Variants in MAGI1 observed in about 807,000 individuals in gnomAD.
The protein encoded by MAGI1 is membrane associated guanylate kinase, WW and PDZ domain containing 1.
In MAGI1, 58 loss-of-function variants were observed where a neutral mutation model predicts 139.9. The observed-to-expected ratio is 0.41, with a 90% confidence interval of 0.34 to 0.52. The LOEUF is 0.52. Among genes scored for constraint, MAGI1 ranks in the 20% least tolerant of loss-of-function variants. The probability of loss-of-function intolerance (pLI) is 0.12; values close to 1 mark genes in which losing one functional copy is unlikely to be tolerated. For missense variants in MAGI1, 1,874 were observed against 1,901.6 expected, an observed-to-expected ratio of 0.99 and a Z score of 0.27; for synonymous variants, 812 against 737.9, an observed-to-expected ratio of 1.10 and a Z score of -1.63.
intron 1 of MAGI1, among the ~76,000 whole-genome samples, chr3:65,994,466 C>T (rs2066339424): frequency 6.6e-6 from 1 of 152,162 alleles, no homozygotes; most frequent in Non-Finnish European, 1.5e-5. Context: ...GCAACCCAGT[C>T]GGTCCACCCT....
At chr3:65,745,512 G>A (rs1453504670) in intron 1 of MAGI1, among the ~76,000 whole-genome samples, 1 of 152,212 alleles carries the variant, frequency 6.6e-6, no homozygotes, top group Non-Finnish European at 1.5e-5. Flanking sequence ...TGAATTGGCA[G>A]GTTACAAATG....
At chr3:65,430,476 G>A (rs572024291) in intron 11 of MAGI1, among the ~76,000 whole-genome samples, 1 of 152,210 alleles carries the variant, frequency 6.6e-6, no homozygotes, top group African/African-American at 2.4e-5. Flanking sequence ...TACTCAAACA[G>A]TTTCCCAAAC....
chr3:65,464,206 C>T (rs1327696292), intron 5 of MAGI1, among the ~76,000 whole-genome samples: 1 of 152,002 alleles, frequency 6.6e-6, no homozygotes, highest in East Asian at 1.9e-4. Context: ...CTATTTCTTT[C>T]ATTGATTTTT....
At chr3:65,569,839 C>T (rs1012476337) in intron 2 of MAGI1, among the ~76,000 whole-genome samples, 1 of 151,252 alleles carries the variant, frequency 6.6e-6, no homozygotes, top group Non-Finnish European at 1.5e-5. Context: ...TGTACCACTG[C>T]GTTCCAGTCT....
At chr3:65,847,998 C>G (rs1217813841) in intron 1 of MAGI1, among the ~76,000 whole-genome samples, 4 of 152,134 alleles carry the variant, frequency 2.6e-5, no homozygotes, top group Admixed American at 1.3e-4. Context: ...AGTGAGACTT[C>G]AACATTTTGG....
chr3:65,812,139 C>G (rs1411363768), intron 1 of MAGI1, among the ~76,000 whole-genome samples: 1 of 152,000 alleles, frequency 6.6e-6, no homozygotes, highest in South Asian at 2.1e-4. Flanking sequence ...TCAGGAAATG[C>G]TTTTTCCCAG....
chr3:65,515,940 C>G (rs1181717076), intron 2 of MAGI1, among the ~76,000 whole-genome samples: 1 of 152,182 alleles, frequency 6.6e-6, no homozygotes, highest in Non-Finnish European at 1.5e-5. Context: ...GCAGTACTGA[C>G]TGATGCACAG....
intron 1 of MAGI1, among the ~76,000 whole-genome samples, chr3:65,853,154 G>A (rs1307052634): frequency 6.6e-6 from 1 of 151,598 alleles, no homozygotes; most frequent in Non-Finnish European, 1.5e-5. Flanking sequence ...GCGACAGAGC[G>A]AGACTCCGTC....
chr3:65,516,986 C>T (rs1345671899), intron 2 of MAGI1, among the ~76,000 whole-genome samples: 14 of 151,782 alleles, frequency 9.2e-5, no homozygotes, highest in Admixed American at 9.2e-4. Context: ...CCTCGGCCTC[C>T]CAAAGTGCTG....
chr3:65,525,961 G>A (rs898095694), intron 2 of MAGI1, among the ~76,000 whole-genome samples: 2 of 152,066 alleles, frequency 1.3e-5, no homozygotes, highest in Non-Finnish European at 2.9e-5. Context: ...CAAGTCACAG[G>A]GGGAAATCAC....
intron 1 of MAGI1, among the ~76,000 whole-genome samples, chr3:65,877,240 G>A (rs944046279): frequency 3.3e-5 from 5 of 152,252 alleles, no homozygotes; most frequent in Admixed American, 3.3e-4. Flanking sequence ...AAATTAAGTA[G>A]TTTTTGACAT....
rs1009704284 is a variant in MAGI1 at position 65,650,913 on chromosome 3, A to G, written c.314-28825T>C. Among the ~76,000 whole-genome samples the G allele has an allele frequency of 4.6e-5, 7 of 152,344 alleles. No individual in the cohort carries two copies. In the South Asian group the frequency reaches 1.5e-3, roughly 32 times the overall value. On this transcript the variant is annotated intron_variant, in intron 1 of 22. Transcript: ENST00000402939. ...CCAATGTAGAAAGTATTTAGTTATC[A>G]ACGTGTAAAATAAGTAAGGTGCATA...
intron 10 of MAGI1, 24 bp from the exon 11 acceptor site, chr3:65,430,905 A>G (rs920448319): frequency 6.2e-7 from 1 of 1,606,332 alleles, no homozygotes; most frequent in Middle Eastern, 1.7e-4. Context: ...AGAAACGCAT[A>G]AGGAATGTCA....
At position 66,037,997 on chromosome 3, in the gene MAGI1, T is replaced by A. The variant is rs1461256707; in HGVS notation, c.312A>T (p.Gln104His). The change falls in exon 1 of 23, where the codon CAA becomes CAT. Residue 104 changes from glutamine (Q) to histidine (H), a missense_variant and splice_region_variant. Around this residue, in one of 5 missense-constraint regions of MAGI1, gnomAD observed 648 missense variants for 598.1 expected, o/e 1.08. Coordinates refer to ENST00000402939, the MANE Select transcript of MAGI1 (RefSeq NM_001033057.2). ...CCCCAAAGGCGCGCCCTGCCTTACC[T>A]TGTCTGACGGCCTTGAAGGTGACGG... ...KEAVTFKAVR[Q>H]GGRLNKDLRH... The A allele has an allele frequency of 6.4e-7, 1 of 1,571,352 alleles. No individual in the cohort carries two copies. The highest frequency in any genetic ancestry group is 2.3e-5 in the East Asian group (1 of 44,374).
At chr3:65,439,605 A>G (rs4618170) in intron 9 of MAGI1, among the ~76,000 whole-genome samples, 146,419 of 152,254 alleles carry the variant, frequency 0.96, 70,458 homozygotes, top group East Asian at 0.99. Context: ...GGGGGCAAGA[A>G]ATTTCCTCCC....
At chr3:65,527,742 A>T (rs1169289518) in intron 2 of MAGI1, among the ~76,000 whole-genome samples, 3 of 151,588 alleles carry the variant, frequency 2.0e-5, no homozygotes, top group Admixed American at 2.0e-4. Context: ...GTATATAAAA[A>T]TAAAAAATAA....
intron 12 of MAGI1, among the ~76,000 whole-genome samples, chr3:65,403,431 G>A (rs368207103): frequency 1.3e-5 from 2 of 152,068 alleles, no homozygotes; most frequent in South Asian, 2.1e-4. Context: ...TTAAAATAAC[G>A]ATTAAGTGCT....
At chr3:65,679,682 C>A (rs777678228) in intron 1 of MAGI1, among the ~76,000 whole-genome samples, 16 of 152,318 alleles carry the variant, frequency 1.1e-4, no homozygotes, top group African/African-American at 3.4e-4. Context: ...AGGTTCTGCA[C>A]GCTGCCTGTG....
At chr3:65,896,529 G>A (rs138465636) in intron 1 of MAGI1, among the ~76,000 whole-genome samples, 7 of 152,232 alleles carry the variant, frequency 4.6e-5, no homozygotes, top group African/African-American at 1.7e-4. Context: ...TGAAAAACTG[G>A]CTGGACACGG....
Sources: allele counts gnomAD v4.1 joint callset (sites outside exome capture counted in the v4.1 genomes callset), GRCh38; gene constraint gnomAD v4.1.1; regional missense constraint gnomAD v4.1.1; transcripts MANE v1.5; gene names NCBI Gene and HGNC (gene_info 2026-07-23, HGNC 2026-07-21).